The following TOP1 variants were observed in gnomAD, a reference collection of about 807,000 sequenced individuals.
The protein encoded by TOP1 is DNA topoisomerase I.
A neutral mutation model predicts 111.1 loss-of-function variants in TOP1; 10 were observed. That is an observed-to-expected ratio of 0.09 (90% CI 0.06 to 0.15). TOP1 has a LOEUF of 0.15. TOP1 is among the 10% of genes least tolerant of loss of function. TOP1 has a pLI of 1.00. For missense variants in TOP1, 474 were observed against 926.7 expected, an observed-to-expected ratio of 0.51 and a Z score of 6.34; for synonymous variants, 271 against 302.9, an observed-to-expected ratio of 0.89 and a Z score of 1.10.
At chr20:41,066,572 T>TG (rs1214417781) in intron 3 of TOP1, among the ~76,000 whole-genome samples, 1 of 150,436 alleles carries the variant, frequency 6.6e-6, no homozygotes, top group Non-Finnish European at 1.5e-5. Context: ...TTTTTTTTTT[T>TG]TTGAGACAGT....
rs1453465831 is a variant in TOP1 at position 41,094,924 on chromosome 20, C to T, written c.731-2296C>T. 6.6e-6 allele frequency among the ~76,000 whole-genome samples: 1 copy of T among 152,194 alleles called. No individual in the cohort carries two copies. Among genetic ancestry groups the T allele is most frequent in the Non-Finnish European group, 1.5e-5 (1 of 68,036 alleles). On this transcript the variant is annotated intron_variant, in intron 9 of 20. Transcript: ENST00000361337. This position sits in a 1 kb window ranked among gnomAD's most constrained non-coding sequence, Gnocchi z 4.4. Reference sequence around the variant, plus strand: ...ACCTTCCAGTCATCCTCCCACTACTCTGATGCAGGGAGCCATCATTTCATC... The same window carrying T: ...ACCTTCCAGTCATCCTCCCACTACTTTGATGCAGGGAGCCATCATTTCATC...
Position 41,115,515 on chromosome 20 carries a change from G to A in TOP1, c.1707+76G>A, listed in dbSNP as rs182940522. The A allele has an allele frequency of 2.1e-5, 24 of 1,156,992 alleles. No individual in the cohort carries two copies. In the East Asian group the frequency reaches 4.5e-4, roughly 22 times the overall value. The allele number at this position is 1,156,992 out of a possible 1,614,324, so 71.7% of individuals were successfully genotyped here. On this transcript the variant is annotated intron_variant, in intron 16 of 20. Transcript: ENST00000361337. This position sits in a 1 kb window ranked among gnomAD's most constrained non-coding sequence, Gnocchi z 6.3. ...CAGTACCTAAAGGGGAGGGTTGCTG[G>A]CAGATGACTTGGGCTCTCCCTTTAG...
intron 8 of TOP1, among the ~76,000 whole-genome samples, chr20:41,088,647 A>C (rs2033877229): frequency 6.6e-6 from 1 of 152,128 alleles, no homozygotes; most frequent in Non-Finnish European, 1.5e-5. Context: ...ATGCTCTCAT[A>C]CACCTACATA....
intron 3 of TOP1, among the ~76,000 whole-genome samples, chr20:41,074,452 G>A (rs1468279368): frequency 1.3e-5 from 2 of 151,602 alleles, no homozygotes; most frequent in African/African-American, 4.8e-5. Flanking sequence ...AATATAGAGG[G>A]AGAAATATGT....
intron 7 of TOP1, among the ~76,000 whole-genome samples, chr20:41,081,490 G>A (rs925055515): frequency 2.6e-5 from 4 of 152,208 alleles, no homozygotes; most frequent in African/African-American, 9.7e-5. Flanking sequence ...TCTACCCACA[G>A]CTAGGCTGCC....
rs11906167 is a variant in TOP1 at position 41,071,979 on chromosome 20, A to G, written c.156-4192A>G. ...TGTCCTTCAGCATATCCCAGACTAA[A>G]CTTACTCTTAAAATATGTTTGTCCA... On this transcript the variant is annotated intron_variant, in intron 3 of 20. Coordinates refer to ENST00000361337, the MANE Select transcript of TOP1 (RefSeq NM_003286.4). The surrounding 1 kb of genome is among the most constrained non-coding windows in gnomAD (Gnocchi z 4.3). 2.3e-4 allele frequency among the ~76,000 whole-genome samples: 35 copies of G among 152,298 alleles called. No homozygotes were observed. The highest frequency in any genetic ancestry group is 8.4e-4 in the African/African-American group (35 of 41,562).
At chr20:41,051,955 G>A (rs1397743871) in intron 2 of TOP1, among the ~76,000 whole-genome samples, 1 of 152,072 alleles carries the variant, frequency 6.6e-6, no homozygotes, top group Non-Finnish European at 1.5e-5. Flanking sequence ...AGATTAGCCA[G>A]GAATTCTGTT....
chr20:41,115,459 A>C lies in TOP1; in HGVS notation c.1707+20A>C. ...CTCAATGTGAGTAGATGAAGCACAC[A>C]ATGTTGAAGGGAGTCCCAGCCAGAG... On this transcript the variant is annotated intron_variant, in intron 16 of 20. Transcript: ENST00000361337. The surrounding 1 kb of genome is among the most constrained non-coding windows in gnomAD (Gnocchi z 6.3). 6.3e-7 allele frequency: 1 copy of C among 1,596,134 alleles called. No individual in the cohort carries two copies. The highest frequency in any genetic ancestry group is 1.1e-5 in the South Asian group (1 of 90,668).
chr20:41,049,841 T>G (rs76164234), intron 2 of TOP1, among the ~76,000 whole-genome samples: 3,721 of 152,276 alleles, frequency 0.024, 46 homozygotes, highest in Middle Eastern at 0.037. Context: ...GAGATTTTTT[T>G]TTTGTTTGTT....
intron 18 of TOP1, among the ~76,000 whole-genome samples, chr20:41,119,109 C>A (rs2034380255): frequency 6.6e-6 from 1 of 151,978 alleles, no homozygotes; most frequent in Admixed American, 6.6e-5. Context: ...TTTTAAAGTC[C>A]GATAATAGAT....
At chr20:41,042,971 G>A (rs913278772) in intron 2 of TOP1, among the ~76,000 whole-genome samples, 11 of 152,342 alleles carry the variant, frequency 7.2e-5, no homozygotes, top group African/African-American at 2.6e-4. Context: ...AGGGGGAAGA[G>A]GAGAGTTTGG....
intron 2 of TOP1, among the ~76,000 whole-genome samples, chr20:41,041,995 A>C (rs2033272892): frequency 6.6e-6 from 1 of 151,948 alleles, no homozygotes; most frequent in Non-Finnish European, 1.5e-5. Flanking sequence ...TGCAACCCCC[A>C]CCTCCTGGGT....
intron 8 of TOP1, among the ~76,000 whole-genome samples, chr20:41,087,376 G>T (rs6102267): frequency 6.6e-6 from 1 of 152,242 alleles, no homozygotes; most frequent in East Asian, 1.9e-4. Context: ...TTTTGTGTCA[G>T]GGCTGACCTG....
At chr20:41,072,176 C>A in intron 3 of TOP1, 1 of 924,010 alleles carries the variant, frequency 1.1e-6, no homozygotes, top group Non-Finnish European at 1.3e-6. Flanking sequence ...TGTTTTTCAG[C>A]CTCTAACCTG....
intron 2 of TOP1, among the ~76,000 whole-genome samples, chr20:41,042,398 G>GTT (rs1039391417): frequency 5.9e-5 from 9 of 152,188 alleles, no homozygotes; most frequent in Non-Finnish European, 1.0e-4. Flanking sequence ...CTACTTCAGT[G>GTT]TTTAACAAGC....
At position 41,029,140 on chromosome 20, in the gene TOP1, CTG is replaced by C; in HGVS notation, c.33+41_33+42del. On this transcript the variant is annotated intron_variant, in intron 1 of 20. Coordinates refer to ENST00000361337, the MANE Select transcript of TOP1 (RefSeq NM_003286.4). This position sits in a 1 kb window ranked among gnomAD's most constrained non-coding sequence, Gnocchi z 6.1. ...GACCCTGGCGGCCCCGGACCCCGGC[CTG>C]GCCGTCCCGCGACCCCCGGCGCAGG... The C allele has an allele frequency of 7.0e-7, 1 of 1,427,080 alleles. No homozygotes were observed. The allele number at this position is 1,427,080 out of a possible 1,614,324, so 88.4% of individuals were successfully genotyped here.
intron 14 of TOP1, among the ~76,000 whole-genome samples, chr20:41,113,425 G>A (rs2034274200): frequency 6.6e-6 from 1 of 151,976 alleles, no homozygotes; most frequent in Non-Finnish European, 1.5e-5. Flanking sequence ...GGACAGAATA[G>A]AAAGAAAAGG....
Position 41,061,596 on chromosome 20 carries a change from G to GTT in TOP1, c.155+107_155+108insTT. 1 of 961,802 alleles carries GTT rather than the reference G, an allele frequency of 1.0e-6. No individual in the cohort carries two copies. Among genetic ancestry groups the GTT allele is most frequent in the Non-Finnish European group, 1.6e-6 (1 of 642,676 alleles). The allele number at this position is 961,802 out of a possible 1,614,324, so 59.6% of individuals were successfully genotyped here. A position where few individuals can be genotyped will look rare whatever the true frequency, so the allele number is the denominator to read the frequency against. On this transcript the variant is annotated intron_variant, in intron 3 of 20. Transcript: ENST00000361337. The surrounding 1 kb of genome is among the most constrained non-coding windows in gnomAD (Gnocchi z 4.6). ...TTGAGCTACATGTAAAGATAGCAAA[G>GTT]TAAGTAGAAACTGTATTTGATCCTA...
At chr20:41,111,462 T>C (rs2145962554) in intron 13 of TOP1, among the ~76,000 whole-genome samples, 1 of 152,320 alleles carries the variant, frequency 6.6e-6, no homozygotes, top group African/African-American at 2.4e-5. Flanking sequence ...AGAGTGCAGA[T>C]GACTCCTTAG....
Sources: gnomAD v4.1 joint callset for allele counts (sites outside exome capture counted in the v4.1 genomes callset) on GRCh38, gnomAD v4.1.1 for gene constraint, Gnocchi (gnomAD v3.1) non-coding constraint, MANE v1.5 for transcripts, NCBI Gene and HGNC (gene_info 2026-07-23, HGNC 2026-07-21) for gene names.